Variants in VWA8 observed in about 807,000 individuals in gnomAD.
The protein encoded by VWA8 is von Willebrand factor A domain containing 8, also known as von Willebrand factor A domain-containing protein 8.
VWA8 carries 221 observed loss-of-function variants against 241.5 expected under a neutral mutation model. The observed-to-expected ratio is 0.91, with a 90% confidence interval of 0.82 to 1.02. The LOEUF (loss-of-function observed/expected upper bound fraction) is 1.02. Ranked by LOEUF, VWA8 falls within the 50% of genes least tolerant of loss-of-function variation. VWA8 has a pLI of 0.00. For missense variants in VWA8, 2,322 were observed against 2,328.7 expected (o/e 1.00, Z 0.06); for synonymous variants, 852 against 827.1 (o/e 1.03, Z -0.52).
At chr13:41,960,148 A>G (rs1203789750) in intron 1 of VWA8, among the ~76,000 whole-genome samples, 1 of 152,228 alleles carries the variant, frequency 6.6e-6, no homozygotes, top group Non-Finnish European at 1.5e-5. Flanking sequence ...CAGCTCAAGT[A>G]GAGCCAAAAA....
chr13:41,771,861 C>T (rs1355962067), intron 20 of VWA8, among the ~76,000 whole-genome samples: 2 of 148,914 alleles, frequency 1.3e-5, no homozygotes, highest in Admixed American at 6.7e-5. Context: ...GGATTATAGG[C>T]ATGAGCCACT....
chr13:41,850,188 T>C (rs1872471143), intron 12 of VWA8, among the ~76,000 whole-genome samples: 1 of 152,210 alleles, frequency 6.6e-6, no homozygotes, highest in Non-Finnish European at 1.5e-5. Flanking sequence ...ATGTTTATTT[T>C]TATACACATG....
chr13:41,702,444 T>C (rs1309991794), intron 27 of VWA8, among the ~76,000 whole-genome samples: 2 of 152,218 alleles, frequency 1.3e-5, no homozygotes, highest in African/African-American at 4.8e-5. Flanking sequence ...CTTCCTGCAG[T>C]GATAGCAGAC....
intron 16 of VWA8, among the ~76,000 whole-genome samples, chr13:41,811,835 T>C (rs1349393649): frequency 6.6e-6 from 1 of 152,206 alleles, no homozygotes; most frequent in Non-Finnish European, 1.5e-5. Flanking sequence ...GCTTGCTGTT[T>C]TGAATCCTTC....
chr13:41,681,303 C>G (rs1404550387), intron 35 of VWA8, among the ~76,000 whole-genome samples: 1 of 152,074 alleles, frequency 6.6e-6, no homozygotes, highest in Non-Finnish European at 1.5e-5. Context: ...TCCCTTACTA[C>G]AAAACTTCTT....
chr13:41,830,261 C>T (rs1173142254), intron 14 of VWA8, among the ~76,000 whole-genome samples: 2 of 145,570 alleles, frequency 1.4e-5, no homozygotes, highest in Non-Finnish European at 1.5e-5. Context: ...AAAAAAAAAT[C>T]ACTGTCATAT....
intron 13 of VWA8, among the ~76,000 whole-genome samples, chr13:41,832,518 C>T (rs190132141): frequency 1.1e-4 from 16 of 151,878 alleles, no homozygotes; most frequent in African/African-American, 3.6e-4. Context: ...ATTAACATAA[C>T]GTATTTAGAA....
chr13:41,576,934 C>T (rs1490110782), intron 42 of VWA8, among the ~76,000 whole-genome samples: 2 of 152,246 alleles, frequency 1.3e-5, no homozygotes, highest in Admixed American at 6.5e-5. Context: ...TGTGTGTGGA[C>T]ACCCAGTGCT....
intron 14 of VWA8, among the ~76,000 whole-genome samples, chr13:41,824,137 T>G (rs923570088): frequency 6.6e-6 from 1 of 152,178 alleles, no homozygotes; most frequent in African/African-American, 2.4e-5. Context: ...AAATCTGTCT[T>G]GGTCTTGGAA....
chr13:41,573,108 C>CA (rs71086585), intron 43 of VWA8, among the ~76,000 whole-genome samples: 19,692 of 72,070 alleles, frequency 0.27, 1,984 homozygotes, highest in Admixed American at 0.34. Context: ...GACACCGTTT[C>CA]AAAAAAAAAA....
chr13:41,692,081 C>G lies in VWA8; in HGVS notation c.3676-143G>C, dbSNP rs571632419. 1.4e-4 allele frequency: 78 copies of G among 571,232 alleles called. 1 individual carries two copies. Among genetic ancestry groups the G allele is most frequent in the African/African-American group, 1.3e-3 (69 of 53,416 alleles). 35.4% of individuals were successfully genotyped at this position (571,232 alleles called of 1,614,324 possible). On this transcript the variant is annotated intron_variant, in intron 30 of 44. Coordinates refer to ENST00000379310, the MANE Select transcript of VWA8 (RefSeq NM_015058.2). The stretch of plus-strand genomic sequence containing the variant: ...CAAACAAGCTATCTATTTATCTGCT[C>G]TAAGACTCTTATGGTAAAATGGATT...
chr13:41,877,489 G>A (rs1392899617), intron 9 of VWA8, among the ~76,000 whole-genome samples: 1 of 151,978 alleles, frequency 6.6e-6, no homozygotes, highest in Non-Finnish European at 1.5e-5. Flanking sequence ...CTCAGGAGCT[G>A]AAATCAGATT....
intron 26 of VWA8, among the ~76,000 whole-genome samples, chr13:41,711,684 C>T (rs1411278385): frequency 1.3e-5 from 2 of 152,054 alleles, no homozygotes; most frequent in Non-Finnish European, 2.9e-5. Flanking sequence ...ACCATCCTAG[C>T]TAACACGGTG....
At chr13:41,682,412 T>C (rs1388095408) in intron 35 of VWA8, among the ~76,000 whole-genome samples, 6 of 152,210 alleles carry the variant, frequency 3.9e-5, no homozygotes, top group African/African-American at 1.2e-4. Flanking sequence ...ATGTAAAATA[T>C]AGAACTATAA....
intron 17 of VWA8, among the ~76,000 whole-genome samples, chr13:41,807,336 C>G (rs1308910778): frequency 6.6e-6 from 1 of 152,036 alleles, no homozygotes; most frequent in Non-Finnish European, 1.5e-5. Flanking sequence ...CAAACTTGTT[C>G]TACAAGGCCA....
At chr13:41,945,703 T>C (rs2138157964) in intron 2 of VWA8, among the ~76,000 whole-genome samples, 2 of 152,190 alleles carry the variant, frequency 1.3e-5, no homozygotes, top group South Asian at 4.1e-4. Flanking sequence ...GATTAGTCAG[T>C]TGAGATGATC....
chr13:41,647,215 C>T (rs770002429), intron 37 of VWA8, among the ~76,000 whole-genome samples: 22 of 152,042 alleles, frequency 1.4e-4, no homozygotes, highest in Non-Finnish European at 2.8e-4. Flanking sequence ...TGATGGCCTG[C>T]CTGTGGTAAA....
chr13:41,936,810 T>C (rs960682018), intron 2 of VWA8, among the ~76,000 whole-genome samples: 1 of 152,186 alleles, frequency 6.6e-6, no homozygotes, highest in Non-Finnish European at 1.5e-5. Context: ...ATTAGCTTGA[T>C]TTAGCCCTTC....
chr13:41,588,763 C>A (rs2044436179), intron 41 of VWA8, among the ~76,000 whole-genome samples: 1 of 150,638 alleles, frequency 6.6e-6, no homozygotes, highest in Admixed American at 6.6e-5. Context: ...CCAGATTATT[C>A]TGTTATTAAA....
Sources: gnomAD v4.1 joint callset for allele counts (sites outside exome capture counted in the v4.1 genomes callset) on GRCh38, gnomAD v4.1.1 for gene constraint, MANE v1.5 for transcripts, NCBI Gene and HGNC (gene_info 2026-07-23, HGNC 2026-07-21) for gene names.